Variants in SLC44A5 observed in about 807,000 individuals in gnomAD.
The protein encoded by SLC44A5 is choline transporter-like protein 5.
A neutral mutation model predicts 101.8 loss-of-function variants in SLC44A5; 57 were observed. That is an observed-to-expected ratio of 0.56 (90% confidence interval 0.45 to 0.70). SLC44A5 has a LOEUF of 0.70. SLC44A5 is among the 30% of genes least tolerant of loss of function. The probability of loss-of-function intolerance (pLI) is 0.00; values close to 1 mark genes in which losing one functional copy is unlikely to be tolerated. For missense variants in SLC44A5, 737 were observed against 853.1 expected, an observed-to-expected ratio of 0.86 and a Z score of 1.70; for synonymous variants, 281 against 290.9, an observed-to-expected ratio of 0.97 and a Z score of 0.35.
the SLC44A5 span, among the ~76,000 whole-genome samples, chr1:75,705,538 T>C: frequency 4.6e-5 from 7 of 152,208 alleles, no homozygotes; most frequent in Non-Finnish European, 1.0e-4. Flanking sequence ...ACAAAACTTT[T>C]CGTGCATTCT....
the SLC44A5 span, among the ~76,000 whole-genome samples, chr1:75,680,566 A>T: frequency 9.2e-5 from 14 of 151,400 alleles, no homozygotes; most frequent in Non-Finnish European, 1.5e-4. Context: ...AAACCAACGA[A>T]AACAAAGACA....
At position 75,274,893 on chromosome 1, in the gene SLC44A5, A is replaced by G; in HGVS notation, c.260+65T>C. ...TTAAGAAGTCTGGTAGGATTACTGT[A>G]AAAGTGATATCTAGGTTCCAGTTTA... On this transcript the variant is annotated intron_variant, in intron 6 of 23. Coordinates refer to ENST00000370859, the MANE Select transcript of SLC44A5 (RefSeq NM_001130058.2). 9.4e-6 allele frequency: 12 copies of G among 1,278,954 alleles called. 1 individual carries two copies. 79.2% of individuals were successfully genotyped at this position (1,278,954 alleles called of 1,614,324 possible).
At chr1:75,613,695 G>A (rs566414117), upstream of SLC44A5, among the ~76,000 whole-genome samples, 140 of 152,294 alleles carry the variant, frequency 9.2e-4, no homozygotes, top group Admixed American at 3.5e-3. Flanking sequence ...ACCACATGTC[G>A]TAAGAAAGCT....
intron 4 of SLC44A5, among the ~76,000 whole-genome samples, chr1:75,309,438 T>G (rs967239599): frequency 1.3e-5 from 2 of 152,132 alleles, no homozygotes; most frequent in Non-Finnish European, 2.9e-5. Context: ...TAAAAAAAAT[T>G]TTTCAAATAA....
At chr1:75,449,471 C>T (rs1248892999) in intron 2 of SLC44A5, among the ~76,000 whole-genome samples, 1 of 152,162 alleles carries the variant, frequency 6.6e-6, no homozygotes. Context: ...GCCTATGTGG[C>T]TCCCCTTTTT....
chr1:75,305,700 G>T lies in SLC44A5; in HGVS notation c.102-5015C>A, dbSNP rs186234269. 6.6e-4 allele frequency among the ~76,000 whole-genome samples: 100 copies of T among 152,034 alleles called. 1 individual carries two copies. The highest frequency in any genetic ancestry group is 1.2e-3 in the Non-Finnish European group (79 of 67,966). On this transcript the variant is annotated intron_variant, in intron 4 of 23. Transcript: ENST00000370859. ...ATAACCATATGTCCCAATTTGCATG[G>T]GATAGCCAGGGTTTACACCTCTTTC...
the SLC44A5 span, chr1:75,723,743 T>C: frequency 2.6e-5 from 4 of 152,230 alleles, no homozygotes; most frequent in East Asian, 7.7e-4. Flanking sequence ...ATTTTCCTGG[T>C]ACTTTCACTT....
the SLC44A5 span, among the ~76,000 whole-genome samples, chr1:75,655,961 T>C: frequency 6.6e-6 from 1 of 152,062 alleles, no homozygotes; most frequent in Non-Finnish European, 1.5e-5. Context: ...AGGCATGTAA[T>C]AATCAAGCTC....
chr1:75,275,853 G>A (rs1373387903), intron 5 of SLC44A5, among the ~76,000 whole-genome samples: 1 of 152,002 alleles, frequency 6.6e-6, no homozygotes, highest in African/African-American at 2.4e-5. Flanking sequence ...AAAAATCTGG[G>A]AAATGTGCTT....
At chr1:75,445,918 C>T (rs115512917) in intron 2 of SLC44A5, among the ~76,000 whole-genome samples, 67 of 152,228 alleles carry the variant, frequency 4.4e-4, no homozygotes, top group African/African-American at 1.6e-3. Flanking sequence ...TCAAGTTGCT[C>T]GGGGAAGAAA....
chr1:75,233,077 A>C (rs1478948377), intron 12 of SLC44A5, among the ~76,000 whole-genome samples: 1 of 152,138 alleles, frequency 6.6e-6, no homozygotes, highest in Non-Finnish European at 1.5e-5. Flanking sequence ...GAAGACTGAA[A>C]GGAAGCTTCC....
At chr1:75,344,285 A>G (rs17096778) in intron 3 of SLC44A5, among the ~76,000 whole-genome samples, 3,492 of 152,260 alleles carry the variant, frequency 0.023, 57 homozygotes, top group Non-Finnish European at 0.037. Flanking sequence ...CAAAGCAGCT[A>G]ATTCCATTAA....
At chr1:75,370,628 T>C (rs1412129459) in intron 3 of SLC44A5, among the ~76,000 whole-genome samples, 2 of 152,148 alleles carry the variant, frequency 1.3e-5, no homozygotes, top group East Asian at 3.8e-4. Flanking sequence ...TAGCAGATAT[T>C]ATATACTGGT....
Position 75,302,120 on chromosome 1 carries a change from T to TTTTTG in SLC44A5, c.102-1436_102-1435insCAAAA, listed in dbSNP as rs1272946514. 2.9e-4 allele frequency among the ~76,000 whole-genome samples: 40 copies of TTTTTG among 138,308 alleles called. 1 individual carries two copies. The highest frequency in any genetic ancestry group is 8.9e-4 in the African/African-American group (33 of 37,132). The allele number at this position is 138,308 out of a possible 152,430, so 90.7% of individuals were successfully genotyped here. A position where few individuals can be genotyped will look rare whatever the true frequency, so the allele number is the denominator to read the frequency against. On this transcript the variant is annotated intron_variant, in intron 4 of 23. Coordinates refer to ENST00000370859, the MANE Select transcript of SLC44A5 (RefSeq NM_001130058.2). ...GGTGCTCTAGTTTTTTTGTTTTTTTTTTTTTTTTTTTTTTTTGGTTAACAA... is the reference window on the plus strand; with the variant it reads ...GGTGCTCTAGTTTTTTTGTTTTTTTTTTTTGTTTTTTTTTTTTTTTTGGTTAACAA...
intron 9 of SLC44A5, among the ~76,000 whole-genome samples, chr1:75,239,806 C>G (rs1027203982): frequency 6.6e-6 from 1 of 152,054 alleles, no homozygotes; most frequent in African/African-American, 2.4e-5. Context: ...AACCCATTAC[C>G]TAGCACAAGG....
intron 2 of SLC44A5, among the ~76,000 whole-genome samples, chr1:75,413,144 T>G (rs2972006): frequency 0.63 from 96,129 of 151,946 alleles, 32,079 homozygotes; most frequent in East Asian, 0.96. Context: ...ATTAGCTATT[T>G]TTAATCTCTT....
At chr1:75,470,311 C>G (rs1270815886) in intron 2 of SLC44A5, among the ~76,000 whole-genome samples, 2 of 152,124 alleles carry the variant, frequency 1.3e-5, no homozygotes, top group Non-Finnish European at 1.5e-5. Flanking sequence ...AATGAGCACT[C>G]AAGAGAAACC....
intron 4 of SLC44A5, among the ~76,000 whole-genome samples, chr1:75,311,050 G>A (rs1019257813): frequency 8.6e-5 from 13 of 151,400 alleles, no homozygotes; most frequent in African/African-American, 2.9e-4. Flanking sequence ...TAAATCATTA[G>A]ACATAAAATG....
intron 2 of SLC44A5, among the ~76,000 whole-genome samples, chr1:75,511,927 G>A (rs1359207629): frequency 6.6e-6 from 1 of 152,096 alleles, no homozygotes; most frequent in African/African-American, 2.4e-5. Flanking sequence ...CAACTACATA[G>A]CTAGGACATT....
Sources: allele counts gnomAD v4.1 joint callset (sites outside exome capture counted in the v4.1 genomes callset), GRCh38; gene constraint gnomAD v4.1.1; transcripts MANE v1.5; gene names NCBI Gene and HGNC (gene_info 2026-07-23, HGNC 2026-07-21).